The following ATP8B4 variants were observed in gnomAD, a reference collection of about 807,000 sequenced individuals.
ATP8B4 encodes the protein ATPase phospholipid transporting 8B4 (putative).
In ATP8B4, 133 loss-of-function variants were observed where a neutral mutation model predicts 145.6. The ratio of observed to expected loss-of-function variants is 0.91; its 90% CI spans 0.79 to 1.05. The LOEUF (loss-of-function observed/expected upper bound fraction) is 1.05, where lower values mean the gene tolerates loss of function less well. Among genes scored for constraint, ATP8B4 ranks in the 50% least tolerant of loss-of-function variants. The pLI, the probability that ATP8B4 is intolerant of heterozygous loss-of-function variation, is 0.00. For synonymous variants in ATP8B4, 507 were observed against 492.9 expected (o/e 1.03, Z -0.38); for missense variants, 1,458 against 1,425.2 (o/e 1.02, Z -0.37).
intron 1 of ATP8B4, among the ~76,000 whole-genome samples, chr15:50,162,880 C>G (rs1004340493): frequency 4.6e-5 from 7 of 152,056 alleles, no homozygotes; most frequent in African/African-American, 1.7e-4. Flanking sequence ...ATTCTTTATT[C>G]TGCTTGATCA....
intron 1 of ATP8B4, among the ~76,000 whole-genome samples, chr15:50,115,236 T>A (rs1223736138): frequency 6.6e-6 from 1 of 151,996 alleles, no homozygotes; most frequent in East Asian, 1.9e-4. Flanking sequence ...CTTGGGAGGC[T>A]AAAGTGGGAG....
chr15:50,007,966 T>G (rs912175136), intron 7 of ATP8B4, among the ~76,000 whole-genome samples: 1 of 152,152 alleles, frequency 6.6e-6, no homozygotes, highest in African/African-American at 2.4e-5. Flanking sequence ...AGAACTACAT[T>G]TGTAGGAGTC....
In ATP8B4 at chr15:49,911,173, C is replaced by T. The variant is rs374384648; in HGVS notation, c.2141+5761G>A. On this transcript the variant is annotated intron_variant, in intron 20 of 27. Transcript: ENST00000284509. ...TTCAATGGAAATGAATTAAATTTTC[C>T]GCTTGAAAAATACAGAATGGCGGAA... 2.2e-4 allele frequency among the ~76,000 whole-genome samples: 34 copies of T among 152,112 alleles called. No homozygotes were observed. In the South Asian group the frequency reaches 5.6e-3, roughly 25 times the overall value.
chr15:50,133,054 A>G lies in ATP8B4; in HGVS notation c.-42-26046T>C, dbSNP rs186327794. On this transcript the variant is annotated intron_variant, in intron 1 of 3. Transcript: ENST00000558829. ...AGCAAACCACCAATGGCACATGTAT[A>G]CTCATGTAACAAACCTGCACATTCT... is the stretch of plus-strand genomic sequence containing the variant. 1.9e-3 allele frequency among the ~76,000 whole-genome samples: 284 copies of G among 152,264 alleles called. 3 individuals are homozygous for G. The Middle Eastern group carries it at 0.02, about 11-fold the overall frequency.
intron 2 of ATP8B4, among the ~76,000 whole-genome samples, chr15:50,087,400 ATATT>A (rs1271091065): frequency 9.0e-5 from 13 of 145,016 alleles, no homozygotes; most frequent in Admixed American, 4.9e-4. Context: ...TACATATCAT[ATATT>A]TATTATATAT....
At chr15:50,000,324 A>G (rs533557310) in intron 8 of ATP8B4, among the ~76,000 whole-genome samples, 9 of 152,188 alleles carry the variant, frequency 5.9e-5, no homozygotes, top group Non-Finnish European at 1.2e-4. Context: ...CAATGTATGA[A>G]TAATCCTGTT....
At chr15:50,155,555 T>G (rs1379692239) in intron 1 of ATP8B4, among the ~76,000 whole-genome samples, 2 of 152,134 alleles carry the variant, frequency 1.3e-5, no homozygotes, top group Non-Finnish European at 2.9e-5. Flanking sequence ...TCACATGAAC[T>G]AAAAGGTATT....
intron 13 of ATP8B4, among the ~76,000 whole-genome samples, chr15:49,966,288 A>T (rs1246786605): frequency 6.6e-6 from 1 of 152,118 alleles, no homozygotes; most frequent in African/African-American, 2.4e-5. Flanking sequence ...ACACCCCTGG[A>T]AAGGGGACTG....
intron 3 of ATP8B4, among the ~76,000 whole-genome samples, chr15:50,062,170 C>T (rs1390270607): frequency 6.6e-6 from 1 of 152,084 alleles, no homozygotes; most frequent in Non-Finnish European, 1.5e-5. Context: ...ATGTAATCTC[C>T]AGTGTTGGAG....
intron 13 of ATP8B4, among the ~76,000 whole-genome samples, chr15:49,969,957 G>C (rs1177285317): frequency 2.0e-5 from 3 of 152,022 alleles, no homozygotes; most frequent in African/African-American, 4.8e-5. Flanking sequence ...GGGATGTAAG[G>C]TGGTTCAACA....
chr15:49,994,532 G>C (rs774348504), intron 9 of ATP8B4, among the ~76,000 whole-genome samples: 4 of 152,060 alleles, frequency 2.6e-5, no homozygotes, highest in Non-Finnish European at 5.9e-5. Context: ...TCCCTGTGTA[G>C]CTTACACTGA....
rs994605456 is a variant in ATP8B4, at chr15:50,107,019, G to A, written c.-42-11C>T. On this transcript the variant is annotated splice_polypyrimidine_tract_variant and intron_variant, in intron 1 of 27. Transcript: ENST00000284509. ...CAACAGGTGGCCTACCTAAGAAAAA[G>A]AAGTATGCATATTAGTATCTGAAAA... The A allele has an allele frequency of 6.6e-7, 1 of 1,508,688 alleles. No homozygotes were observed. The highest frequency in any genetic ancestry group is 8.9e-7 in the Non-Finnish European group (1 of 1,123,042). 93.5% of individuals were successfully genotyped at this position (1,508,688 alleles called of 1,614,324 possible). A position where few individuals can be genotyped will look rare whatever the true frequency, so the allele number is the denominator to read the frequency against.
chr15:49,977,799 T>C (rs2045802723), intron 12 of ATP8B4, among the ~76,000 whole-genome samples: 1 of 152,176 alleles, frequency 6.6e-6, no homozygotes, highest in South Asian at 2.1e-4. Flanking sequence ...TATAATGTTA[T>C]CTAAAGGTAA....
intron 4 of ATP8B4, among the ~76,000 whole-genome samples, chr15:50,046,062 T>C (rs1335420129): frequency 6.6e-6 from 1 of 152,190 alleles, no homozygotes; most frequent in African/African-American, 2.4e-5. Context: ...ATCCCCTCAC[T>C]TTCTGTCCAC....
chr15:49,876,128 C>T, intron 25 of ATP8B4, 150 bp downstream of exon 25: 8 of 1,128,260 alleles, frequency 7.1e-6, no homozygotes, highest in Non-Finnish European at 8.5e-6. Context: ...TTAAAGCTTC[C>T]TGCTTTCATC....
At chr15:50,069,056 T>C (rs2053562598) in intron 3 of ATP8B4, among the ~76,000 whole-genome samples, 1 of 152,212 alleles carries the variant, frequency 6.6e-6, no homozygotes, top group South Asian at 2.1e-4. Flanking sequence ...AACAACTGTT[T>C]TCTACTTCTA....
chr15:50,076,161 C>T (rs1356558357), intron 2 of ATP8B4, among the ~76,000 whole-genome samples: 1 of 152,102 alleles, frequency 6.6e-6, no homozygotes, highest in Non-Finnish European at 1.5e-5. Context: ...TAATTTTACC[C>T]ACTCCAAACA....
chr15:50,129,831 C>T (rs559184600), intron 1 of ATP8B4, among the ~76,000 whole-genome samples: 1 of 151,858 alleles, frequency 6.6e-6, no homozygotes, highest in African/African-American at 2.4e-5. Flanking sequence ...GCCTGTAGTC[C>T]CAGCTACTTG....
chr15:50,134,943 CACTCTGTG>C (rs59341452), intron 1 of ATP8B4, among the ~76,000 whole-genome samples: 48,731 of 151,652 alleles, frequency 0.32, 9,046 homozygotes, highest in Middle Eastern at 0.48. Context: ...GCTCAACAGT[CACTCTGTG>C]ACTCATCAGA....
Sources: allele counts gnomAD v4.1 joint callset (sites outside exome capture counted in the v4.1 genomes callset), GRCh38; gene constraint gnomAD v4.1.1; transcripts MANE v1.5; gene names NCBI Gene and HGNC (gene_info 2026-07-23, HGNC 2026-07-21).